The following NAV3 variants were observed in gnomAD, a reference collection of about 807,000 sequenced individuals.
NAV3 encodes pore membrane and/or filament interacting like protein 1.
A neutral mutation model predicts 244.7 loss-of-function variants in NAV3; 87 were observed. That is an observed-to-expected ratio of 0.36 (90% CI 0.30 to 0.42). The LOEUF (loss-of-function observed/expected upper bound fraction) is 0.42. NAV3 is among the 20% of genes least tolerant of loss of function. The pLI is 1.00. For synonymous variants in NAV3, 1,126 were observed against 1,042.2 expected (o/e 1.08, Z -1.55); for missense variants, 2,663 against 2,893.3 (o/e 0.92, Z 1.83).
At chr12:77,691,336 T>TATATATACACAA (rs1875012648) in intron 2 of NAV3, among the ~76,000 whole-genome samples, 2 of 52,150 alleles carry the variant, frequency 3.8e-5, no homozygotes. Flanking sequence ...TGTGTATGTG[T>TATATATACACAA]GTATATATAT....
At chr12:78,156,460 T>G (rs2139357254) in intron 22 of NAV3, among the ~76,000 whole-genome samples, 1 of 152,230 alleles carries the variant, frequency 6.6e-6, no homozygotes, top group East Asian at 1.9e-4. Context: ...AGCTAGAAAA[T>G]GTGAGTAATA....
At chr12:77,887,760 AAGT>A (rs2136696768) in intron 1 of NAV3, among the ~76,000 whole-genome samples, 1 of 152,306 alleles carries the variant, frequency 6.6e-6, no homozygotes, top group South Asian at 2.1e-4. Context: ...ATTTAAAAGT[AAGT>A]AGTAAACTGT....
At chr12:77,657,073 T>G (rs1259355820) in intron 2 of NAV3, among the ~76,000 whole-genome samples, 2 of 151,892 alleles carry the variant, frequency 1.3e-5, no homozygotes, top group Non-Finnish European at 2.9e-5. Context: ...GCAAACACAT[T>G]CAAAAGCTAG....
chr12:77,757,071 A>G (rs1194266442), intron 2 of NAV3, among the ~76,000 whole-genome samples: 2 of 152,198 alleles, frequency 1.3e-5, no homozygotes. Flanking sequence ...TTTCTTGCTC[A>G]TGTTAAATAT....
At chr12:77,903,528 A>C (rs1038245612) in intron 1 of NAV3, among the ~76,000 whole-genome samples, 18 of 152,236 alleles carry the variant, frequency 1.2e-4, no homozygotes, top group African/African-American at 3.9e-4. Context: ...TTAGACCTAA[A>C]ACCATAAAAA....
intron 2 of NAV3, among the ~76,000 whole-genome samples, chr12:77,816,747 CAG>C (rs1872541946): frequency 6.6e-6 from 1 of 151,830 alleles, no homozygotes; most frequent in Non-Finnish European, 1.5e-5. Flanking sequence ...TTCCCTAAAC[CAG>C]AGAGAAAAAA....
intron 2 of NAV3, among the ~76,000 whole-genome samples, chr12:77,663,333 C>T (rs1259457026): frequency 6.6e-6 from 1 of 152,082 alleles, no homozygotes; most frequent in Non-Finnish European, 1.5e-5. Context: ...AAGTCAAAAA[C>T]AGGTTTATGG....
In NAV3 at chr12:78,198,929, A is replaced by C. The variant is rs1959303155; in HGVS notation, c.6518+253A>C. 4 of 466,204 alleles carry C rather than the reference A, an allele frequency of 8.6e-6. No homozygotes were observed. The South Asian group carries it at 1.1e-4, about 12-fold the overall frequency. 28.9% of individuals were successfully genotyped at this position (466,204 alleles called of 1,614,324 possible). On this transcript the variant is annotated intron_variant, in intron 36 of 39. Transcript: ENST00000397909. Reference sequence around the variant, plus strand: ...TCTTTAAACAAAAACAAAAAAAAAAAAAAAGGAAAGAAAAAAGAAAAGTAA... The same window carrying C: ...TCTTTAAACAAAAACAAAAAAAAAACAAAAGGAAAGAAAAAAGAAAAGTAA...
chr12:77,982,223 A>ATAGACATGTT (rs1397018071), intron 5 of NAV3, among the ~76,000 whole-genome samples: 15 of 64,098 alleles, frequency 2.3e-4, no homozygotes, highest in Admixed American at 7.5e-4. Flanking sequence ...GGCTTAATGA[A>ATAGACATGTT]AGATGATTTG....
chr12:78,109,254 A>C (rs1954964188), intron 12 of NAV3, among the ~76,000 whole-genome samples: 1 of 152,096 alleles, frequency 6.6e-6, no homozygotes, highest in Non-Finnish European at 1.5e-5. Flanking sequence ...TGCATCAGGA[A>C]GAAATAGAAA....
At chr12:77,740,015 A>T (rs1252160253) in intron 2 of NAV3, among the ~76,000 whole-genome samples, 1 of 152,228 alleles carries the variant, frequency 6.6e-6, no homozygotes, top group African/African-American at 2.4e-5. Context: ...AATTAGAATA[A>T]TTTCTTCAGT....
At chr12:77,636,383 G>A (rs1043958932) in intron 2 of NAV3, among the ~76,000 whole-genome samples, 5 of 150,642 alleles carry the variant, frequency 3.3e-5, no homozygotes, top group Non-Finnish European at 5.9e-5. Flanking sequence ...GGAGAATGAC[G>A]TCTACCTGGA....
intron 1 of NAV3, among the ~76,000 whole-genome samples, chr12:77,899,161 A>G (rs1332525078): frequency 6.6e-6 from 1 of 152,260 alleles, no homozygotes; most frequent in Non-Finnish European, 1.5e-5. Flanking sequence ...TACTTTTGGT[A>G]AAGATGCTGT....
intron 3 of NAV3, among the ~76,000 whole-genome samples, chr12:77,956,298 T>C (rs998024299): frequency 6.6e-6 from 1 of 152,182 alleles, no homozygotes; most frequent in African/African-American, 2.4e-5. Flanking sequence ...AAATGAGAAG[T>C]ATAGTTCATG....
At chr12:77,576,981 G>T (rs951535215) in intron 2 of NAV3, among the ~76,000 whole-genome samples, 3 of 152,088 alleles carry the variant, frequency 2.0e-5, no homozygotes, top group African/African-American at 7.2e-5. Context: ...GCTCTAGTAA[G>T]AATGAATTGT....
At chr12:77,705,583 AG>A (rs1875758330) in intron 2 of NAV3, among the ~76,000 whole-genome samples, 1 of 151,470 alleles carries the variant, frequency 6.6e-6, no homozygotes, top group African/African-American at 2.4e-5. Flanking sequence ...TGGCTACATC[AG>A]GCACACTTTC....
chr12:78,188,801 G>C (rs749573729), intron 33 of NAV3, 24 bp downstream of exon 33: 3 of 1,602,216 alleles, frequency 1.9e-6, no homozygotes, highest in Non-Finnish European at 2.6e-6. Context: ...TGAAAAGCAA[G>C]GCAGAAATAT....
chr12:78,031,920 G>GT (rs1289422639), intron 9 of NAV3, among the ~76,000 whole-genome samples: 1 of 151,802 alleles, frequency 6.6e-6, no homozygotes, highest in Non-Finnish European at 1.5e-5. Context: ...AAGAGAAGTG[G>GT]TCTCTTTTTC....
At chr12:78,189,363 C>T (rs1958868796) in intron 33 of NAV3, among the ~76,000 whole-genome samples, 1 of 151,626 alleles carries the variant, frequency 6.6e-6, no homozygotes, top group African/African-American at 2.4e-5. Context: ...AGGAATTTGT[C>T]AATATTTGAT....
Sources: allele counts gnomAD v4.1 joint callset (sites outside exome capture counted in the v4.1 genomes callset), GRCh38; gene constraint gnomAD v4.1.1; transcripts MANE v1.5; gene names NCBI Gene and HGNC (gene_info 2026-07-23, HGNC 2026-07-21).